NEK11: variants seen among roughly 807,000 people sequenced by gnomAD.
NEK11 encodes the protein NIMA related kinase 11.
NEK11 carries 72 observed loss-of-function variants against 80.7 expected under a neutral mutation model. That is an observed-to-expected ratio of 0.89 (90% CI 0.74 to 1.08). The LOEUF (loss-of-function observed/expected upper bound fraction) is 1.08, where lower values mean the gene tolerates loss of function less well. NEK11 is among the 50% of genes least tolerant of loss of function. NEK11 has a pLI of 0.00. For synonymous variants in NEK11, 251 were observed against 260.7 expected (o/e 0.96, Z 0.36); for missense variants, 764 against 763.6 (o/e 1.00, Z -0.01).
At chr3:131,119,570 T>A (rs2081997179) in intron 5 of NEK11, among the ~76,000 whole-genome samples, 1 of 152,198 alleles carries the variant, frequency 6.6e-6, no homozygotes, top group Admixed American at 6.5e-5. Flanking sequence ...GACAGTGGGA[T>A]GTTAAAGTCT....
At position 131,272,517 on chromosome 3, in the gene NEK11, C is replaced by T. The variant is rs1385016375; in HGVS notation, c.1622-961C>T. Among the ~76,000 whole-genome samples the T allele has an allele frequency of 3.6e-5, 4 of 111,394 alleles. No individual in the cohort carries two copies. The East Asian group carries it at 1.1e-3, about 31-fold the overall frequency. The allele number at this position is 111,394 out of a possible 152,430, so 73.1% of individuals were successfully genotyped here. On this transcript the variant is annotated intron_variant, in intron 16 of 17. Transcript: ENST00000383366. The stretch of plus-strand genomic sequence containing the variant: ...TTGAGACAGAGCCTTGTTCTTTCAC[C>T]CAGGCTGGAGTGCCGTGGTGCGATC...
At chr3:131,249,172 A>C (rs1286209952) in intron 16 of NEK11, among the ~76,000 whole-genome samples, 1 of 152,140 alleles carries the variant, frequency 6.6e-6, no homozygotes, top group Non-Finnish European at 1.5e-5. Context: ...TGAGAGCTTT[A>C]GTGAACTTGA....
chr3:131,114,467 G>C (rs1375305057), intron 5 of NEK11, among the ~76,000 whole-genome samples: 1 of 152,182 alleles, frequency 6.6e-6, no homozygotes, highest in African/African-American at 2.4e-5. Context: ...CTGCAAGTCT[G>C]CTCTACATGT....
intron 14 of NEK11, among the ~76,000 whole-genome samples, chr3:131,215,278 C>G (rs6794775): frequency 1.6e-3 from 128 of 81,354 alleles, no homozygotes; most frequent in Admixed American, 2.7e-3. Context: ...TGTTGTGGGG[C>G]GGGGGGAGGG....
intron 14 of NEK11, among the ~76,000 whole-genome samples, chr3:131,206,877 T>C (rs2094456333): frequency 6.6e-6 from 1 of 150,698 alleles, no homozygotes; most frequent in Admixed American, 6.6e-5. Flanking sequence ...CTAAGTGTTC[T>C]CATTGTTCAA....
intron 5 of NEK11, among the ~76,000 whole-genome samples, chr3:131,121,451 G>T (rs13060368): frequency 0.43 from 65,614 of 152,096 alleles, 16,752 homozygotes; most frequent in Middle Eastern, 0.66. Flanking sequence ...AGTTAAGGAG[G>T]CAGTCTGTCC....
At chr3:131,109,272 A>C (rs1383059260) in intron 4 of NEK11, 2 of 152,198 alleles carry the variant, frequency 1.3e-5, no homozygotes, top group African/African-American at 2.4e-5. Context: ...TTCAGGGAGA[A>C]TAAGGGAGTA....
intron 5 of NEK11, among the ~76,000 whole-genome samples, chr3:131,127,519 A>G (rs936696481): frequency 6.6e-6 from 1 of 151,356 alleles, no homozygotes; most frequent in African/African-American, 2.4e-5. Flanking sequence ...TATAGAATCT[A>G]GCTCTCTATT....
chr3:131,079,939 C>T (rs1210923989), intron 3 of NEK11, among the ~76,000 whole-genome samples: 1 of 151,548 alleles, frequency 6.6e-6, no homozygotes, highest in East Asian at 1.9e-4. Flanking sequence ...CAAAGAGAGA[C>T]ACAGAAAGAG....
chr3:131,138,683 C>T (rs1440978924), intron 7 of NEK11, among the ~76,000 whole-genome samples: 1 of 152,130 alleles, frequency 6.6e-6, no homozygotes, highest in South Asian at 2.1e-4. Context: ...CAACTTAATA[C>T]AGAGACCCCA....
At chr3:131,294,750 C>G (rs2096576023) in intron 17 of NEK11, among the ~76,000 whole-genome samples, 2 of 152,060 alleles carry the variant, frequency 1.3e-5, no homozygotes, top group African/African-American at 4.8e-5. Context: ...TGTTGTTAGA[C>G]ACATACACAT....
intron 12 of NEK11, among the ~76,000 whole-genome samples, chr3:131,167,400 A>G (rs988237396): frequency 3.3e-5 from 5 of 152,258 alleles, no homozygotes; most frequent in African/African-American, 7.2e-5. Context: ...TGAAGTTACC[A>G]TATGGCAAAA....
intron 17 of NEK11, among the ~76,000 whole-genome samples, chr3:131,288,821 C>T (rs2096509690): frequency 1.3e-5 from 2 of 152,120 alleles, no homozygotes; most frequent in Admixed American, 6.6e-5. Flanking sequence ...TTTTCCTCTA[C>T]CCTGATTTCA....
chr3:131,051,694 T>A (rs570175016), intron 3 of NEK11, among the ~76,000 whole-genome samples: 82 of 151,658 alleles, frequency 5.4e-4, no homozygotes, highest in African/African-American at 1.4e-3. Context: ...ATTAAGAAAA[T>A]TTTTTTTTGA....
intron 14 of NEK11, among the ~76,000 whole-genome samples, chr3:131,210,773 T>G (rs984546829): frequency 1.3e-5 from 2 of 152,236 alleles, no homozygotes; most frequent in Admixed American, 6.5e-5. Context: ...AAAGTCTGTT[T>G]TATCAGAAAC....
At chr3:131,288,033 T>C (rs1028578212) in intron 17 of NEK11, among the ~76,000 whole-genome samples, 1 of 152,216 alleles carries the variant, frequency 6.6e-6, no homozygotes, top group Non-Finnish European at 1.5e-5. Context: ...TGGAAAGATG[T>C]GACCACCACC....
chr3:131,071,823 A>G (rs1328719016), intron 3 of NEK11, among the ~76,000 whole-genome samples: 1 of 152,130 alleles, frequency 6.6e-6, no homozygotes, highest in African/African-American at 2.4e-5. Context: ...GAGCCAAGTT[A>G]TACATTTTTT....
chr3:131,235,800 A>G (rs2095421303), intron 15 of NEK11, among the ~76,000 whole-genome samples: 1 of 152,202 alleles, frequency 6.6e-6, no homozygotes, highest in African/African-American at 2.4e-5. Context: ...AAGTTACCCC[A>G]TCCAATGACA....
At chr3:131,232,026 T>A (rs2095340211) in intron 15 of NEK11, among the ~76,000 whole-genome samples, 1 of 152,196 alleles carries the variant, frequency 6.6e-6, no homozygotes, top group African/African-American at 2.4e-5. Flanking sequence ...ACAATCTTTT[T>A]AGTAGCAGTG....
Sources: gnomAD v4.1 joint callset for allele counts (sites outside exome capture counted in the v4.1 genomes callset) on GRCh38, gnomAD v4.1.1 for gene constraint, MANE v1.5 for transcripts, NCBI Gene and HGNC (gene_info 2026-07-23, HGNC 2026-07-21) for gene names.